The following NRG1 variants were observed in gnomAD, a reference collection of about 807,000 sequenced individuals.
NRG1 encodes pro-neuregulin-1, membrane-bound isoform.
In NRG1, 18 loss-of-function variants were observed where a neutral mutation model predicts 63.8. That is an observed-to-expected ratio of 0.28 (90% CI 0.19 to 0.42). The LOEUF (loss-of-function observed/expected upper bound fraction) is 0.42. NRG1 is among the 10% of genes least tolerant of loss of function. The pLI is 1.00. For synonymous variants in NRG1, 302 were observed against 301.3 expected (o/e 1.00, Z -0.02); for missense variants, 762 against 814.7 (o/e 0.94, Z 0.79).
At chr8:32,379,869 G>T (rs1440658534) in intron 1 of NRG1, among the ~76,000 whole-genome samples, 1 of 151,938 alleles carries the variant, frequency 6.6e-6, no homozygotes, top group African/African-American at 2.4e-5. Context: ...TTCGTTCATG[G>T]GATTTCCCCG....
chr8:32,718,999 TTCCTGCC>T lies in NRG1; in HGVS notation c.503-8948_503-8942del, dbSNP rs1819957819. 3.3e-5 allele frequency among the ~76,000 whole-genome samples: 5 copies of T among 152,274 alleles called. No individual in the cohort carries two copies. In the South Asian group the frequency reaches 1.0e-3, roughly 32 times the overall value. On this transcript the variant is annotated intron_variant, in intron 5 of 11. Transcript: ENST00000356819. ...CTAAAGCTGTATCATAATTTTTTTATTCCTGCCTTACTGCATTGATTAGAACTTTTAA... is the reference window on the plus strand; with the variant it reads ...CTAAAGCTGTATCATAATTTTTTTATTTACTGCATTGATTAGAACTTTTAA...
intron 1 of NRG1, among the ~76,000 whole-genome samples, chr8:31,982,606 G>A (rs1440300684): frequency 6.6e-6 from 1 of 152,038 alleles, no homozygotes; most frequent in African/African-American, 2.4e-5. Flanking sequence ...TGACTCGGGA[G>A]AGGCAGGTAG....
At chr8:32,691,345 T>C (rs1811600022) in intron 5 of NRG1, among the ~76,000 whole-genome samples, 1 of 152,140 alleles carries the variant, frequency 6.6e-6, no homozygotes, top group East Asian at 1.9e-4. Flanking sequence ...AGTGCCAGAC[T>C]CCGTCTCAAA....
At chr8:31,725,443 T>C (rs7014221) in intron 1 of NRG1, among the ~76,000 whole-genome samples, 36,274 of 144,360 alleles carry the variant, frequency 0.25, 4,551 homozygotes, top group Admixed American at 0.3. Context: ...ACACAACTCA[T>C]AGAACTGAAT....
At chr8:31,891,189 G>C (rs1331657121) in intron 1 of NRG1, among the ~76,000 whole-genome samples, 1 of 152,122 alleles carries the variant, frequency 6.6e-6, no homozygotes, top group African/African-American at 2.4e-5. Flanking sequence ...CCCTGCAAAA[G>C]ACCCTTTAAA....
chr8:32,265,162 C>A (rs182683234), intron 1 of NRG1, among the ~76,000 whole-genome samples: 2 of 152,006 alleles, frequency 1.3e-5, no homozygotes, highest in African/African-American at 4.8e-5. Flanking sequence ...TATGGTGAGA[C>A]CTCTCTACAG....
At chr8:32,347,187 G>T (rs1386110949) in intron 1 of NRG1, among the ~76,000 whole-genome samples, 1 of 152,018 alleles carries the variant, frequency 6.6e-6, no homozygotes, top group African/African-American at 2.4e-5. Flanking sequence ...TAGCTAATTA[G>T]AAATATGTAA....
At chr8:32,763,379 C>T in intron 11 of NRG1, 2 of 1,610,284 alleles carry the variant, frequency 1.2e-6, no homozygotes, top group Non-Finnish European at 1.7e-6. Context: ...TTAAGTAATA[C>T]TTCTTTCCCT....
At chr8:31,858,171 C>T (rs191362428) in intron 1 of NRG1, among the ~76,000 whole-genome samples, 17 of 152,026 alleles carry the variant, frequency 1.1e-4, no homozygotes, top group Admixed American at 3.3e-4. Context: ...TGGTGGCAGG[C>T]GCCTGTAGTC....
At chr8:31,798,700 A>G (rs946118550) in intron 1 of NRG1, among the ~76,000 whole-genome samples, 3 of 152,202 alleles carry the variant, frequency 2.0e-5, no homozygotes, top group Non-Finnish European at 2.9e-5. Context: ...ATTATATGAT[A>G]TAGCATAATT....
chr8:31,760,900 C>T (rs1476808219), intron 1 of NRG1, among the ~76,000 whole-genome samples: 1 of 151,824 alleles, frequency 6.6e-6, no homozygotes, highest in African/African-American at 2.4e-5. Flanking sequence ...GTGGCGATTC[C>T]TCAGGGATCT....
At chr8:32,331,727 G>C (rs1802680696) in intron 1 of NRG1, among the ~76,000 whole-genome samples, 1 of 152,160 alleles carries the variant, frequency 6.6e-6, no homozygotes, top group Non-Finnish European at 1.5e-5. Flanking sequence ...TTAGGGGGTG[G>C]TTAGGACAGT....
intron 1 of NRG1, among the ~76,000 whole-genome samples, chr8:32,593,854 C>CAAAAAAAAAAAA (rs11444147): frequency 1.0e-5 from 1 of 97,076 alleles, no homozygotes; most frequent in African/African-American, 4.0e-5. Context: ...TTCAAGGTGT[C>CAAAAAAAAAAAA]AAAAAAAAAA....
chr8:31,807,946 C>CGTGTGTGT (rs1491467747), intron 1 of NRG1, among the ~76,000 whole-genome samples: 2 of 69,392 alleles, frequency 2.9e-5, no homozygotes, highest in African/African-American at 7.6e-5. Flanking sequence ...CAAGAGTATT[C>CGTGTGTGT]GCGTGTGTGT....
At chr8:32,688,047 T>C (rs1810633612) in intron 5 of NRG1, among the ~76,000 whole-genome samples, 1 of 152,162 alleles carries the variant, frequency 6.6e-6, no homozygotes, top group African/African-American at 2.4e-5. Context: ...AGGTGGTTAC[T>C]GTAGAGAAGG....
intron 5 of NRG1, among the ~76,000 whole-genome samples, chr8:32,702,955 C>A (rs963004671): frequency 2.6e-5 from 4 of 152,076 alleles, no homozygotes; most frequent in Admixed American, 1.3e-4. Flanking sequence ...ATAATACAGG[C>A]AAGCATAAAA....
chr8:32,188,902 T>A (rs1385216716), intron 1 of NRG1, among the ~76,000 whole-genome samples: 2 of 152,008 alleles, frequency 1.3e-5, no homozygotes, highest in Non-Finnish European at 2.9e-5. Flanking sequence ...ATGGCACATG[T>A]ATACATATGT....
At chr8:31,878,335 T>C (rs1431563566) in intron 1 of NRG1, among the ~76,000 whole-genome samples, 1 of 152,202 alleles carries the variant, frequency 6.6e-6, no homozygotes, top group African/African-American at 2.4e-5. Context: ...TAGGTTGTAT[T>C]ATCTATAAAT....
chr8:32,222,342 C>A (rs1284723906), intron 1 of NRG1, among the ~76,000 whole-genome samples: 3 of 151,946 alleles, frequency 2.0e-5, no homozygotes, highest in Non-Finnish European at 4.4e-5. Flanking sequence ...TCCTTCTCTG[C>A]CTCTTATGAA....
Sources: gnomAD v4.1 joint callset for allele counts (sites outside exome capture counted in the v4.1 genomes callset) on GRCh38, gnomAD v4.1.1 for gene constraint, MANE v1.5 for transcripts, NCBI Gene and HGNC (gene_info 2026-07-23, HGNC 2026-07-21) for gene names.